Variants in KCNJ16 observed in about 807,000 individuals in gnomAD.
KCNJ16 encodes potassium inwardly rectifying channel subfamily J member 16.
In KCNJ16, 15 loss-of-function variants were observed where a neutral mutation model predicts 18.5. The observed-to-expected ratio is 0.81, with a 90% CI of 0.54 to 1.25. The LOEUF (loss-of-function observed/expected upper bound fraction) is 1.25, where lower values mean the gene tolerates loss of function less well. Among genes scored for constraint, KCNJ16 ranks in the 50% most tolerant of loss-of-function variants. The pLI, the probability that KCNJ16 is intolerant of heterozygous loss-of-function variation, is 0.00. For synonymous variants in KCNJ16, 174 were observed against 186.5 expected, an observed-to-expected ratio of 0.93 and a Z score of 0.55; for missense variants, 523 against 525.7, an observed-to-expected ratio of 0.99 and a Z score of 0.05.
chr17:70,104,746 A>C (rs1287239138), intron 2 of KCNJ16: 1 of 152,574 alleles, frequency 6.6e-6, no homozygotes, highest in Non-Finnish European at 1.5e-5. Flanking sequence ...GCATGGAAGA[A>C]GGCTATTCTT....
In KCNJ16 at chr17:70,129,509, A is replaced by G. The variant is rs569296697; in HGVS notation, c.-190-1370A>G. Among the ~76,000 whole-genome samples, 100 of 152,356 alleles carry G rather than the reference A, an allele frequency of 6.6e-4. 1 individual carries two copies. The highest frequency in any genetic ancestry group is 6.2e-3 in the South Asian group (30 of 4,830). On this transcript the variant is annotated intron_variant, in intron 2 of 3. Transcript: ENST00000392671. ...CAGATTGGATATGGTTTATTTGGTT[A>G]CAATTGATCATTTGGCCTAAAGACA...
chr17:70,117,640 G>A (rs781768270), intron 2 of KCNJ16, among the ~76,000 whole-genome samples: 36 of 152,096 alleles, frequency 2.4e-4, no homozygotes, highest in Non-Finnish European at 2.6e-4. Flanking sequence ...AGTCTTAGGA[G>A]TACTAACTCT....
rs192129351 is a variant in KCNJ16 at position 70,100,678 on chromosome 17, A to G, written c.-279A>G. The G allele has an allele frequency of 3.9e-5, 6 of 152,344 alleles. No individual in the cohort carries two copies. The highest frequency in any genetic ancestry group is 3.9e-4 in the Admixed American group (6 of 15,308). The allele number at this position is 152,344 out of a possible 1,614,324, so 9.4% of individuals were successfully genotyped here. On this transcript the variant is annotated 5_prime_UTR_variant, in exon 2 of 4. Transcript: ENST00000392671. ...TACAGAATGGGGGATTGAGGCACAG[A>G]GTGTTAAAATAGTGAGACACAGGAT...
intron 2 of KCNJ16, among the ~76,000 whole-genome samples, chr17:70,108,612 T>C (rs2073041322): frequency 6.6e-6 from 1 of 152,180 alleles, no homozygotes; most frequent in Admixed American, 6.6e-5. Context: ...ATCACTATAG[T>C]GACCTCTATT....
intron 1 of KCNJ16, among the ~76,000 whole-genome samples, chr17:70,078,914 A>C (rs965673950): frequency 2.6e-5 from 4 of 152,184 alleles, no homozygotes; most frequent in African/African-American, 9.6e-5. Flanking sequence ...TAGACACTGA[A>C]ATATCATTTT....
rs1044270803 is a variant in KCNJ16, at chr17:70,108,779, C to T, written c.-191+8013C>T. Among the ~76,000 whole-genome samples, 9 of 152,100 alleles carry T rather than the reference C, an allele frequency of 5.9e-5. No homozygotes were observed. In the South Asian group the frequency reaches 1.0e-3, roughly 18 times the overall value. On this transcript the variant is annotated intron_variant, in intron 2 of 3. Transcript: ENST00000392671. ...TTTTCTGGGAAAGATATATTTTTAA[C>T]CCCATTCACCTTCCTCCCTCCCTTT...
intron 1 of KCNJ16, among the ~76,000 whole-genome samples, chr17:70,095,761 A>C (rs772490557): frequency 2.0e-5 from 3 of 151,694 alleles, no homozygotes; most frequent in Admixed American, 6.6e-5. Flanking sequence ...GGGCCACTGG[A>C]TATCAAATGT....
intron 2 of KCNJ16, among the ~76,000 whole-genome samples, chr17:70,116,433 A>C (rs919261556): frequency 1.3e-5 from 2 of 152,198 alleles, no homozygotes; most frequent in Non-Finnish European, 2.9e-5. Context: ...TCTTTAGAAA[A>C]AAATTGCTGA....
chr17:70,081,611 G>A (rs1470606474), intron 1 of KCNJ16, among the ~76,000 whole-genome samples: 2 of 152,188 alleles, frequency 1.3e-5, no homozygotes, highest in South Asian at 4.1e-4. Context: ...GCACTATTGT[G>A]TCAGCTCATC....
chr17:70,090,695 G>A (rs1033418593), intron 1 of KCNJ16, among the ~76,000 whole-genome samples: 49 of 151,172 alleles, frequency 3.2e-4, no homozygotes, highest in Admixed American at 1.6e-3. Flanking sequence ...CTCACAATAC[G>A]GCTAACCCAC....
intron 1 of KCNJ16, among the ~76,000 whole-genome samples, chr17:70,085,501 T>C (rs1261211574): frequency 3.3e-5 from 5 of 152,148 alleles, no homozygotes; most frequent in Non-Finnish European, 7.4e-5. Flanking sequence ...GAGCCTCAAT[T>C]CCCCATAAAT....
chr17:70,104,038 G>C (rs1205120788), intron 2 of KCNJ16, among the ~76,000 whole-genome samples: 1 of 149,634 alleles, frequency 6.7e-6, no homozygotes, highest in African/African-American at 2.5e-5. Context: ...CTGGGTTCAA[G>C]TGATCCTCCC....
chr17:70,103,286 ATGTG>A (rs1555589099), intron 2 of KCNJ16, among the ~76,000 whole-genome samples: 1 of 103,814 alleles, frequency 9.6e-6, no homozygotes, highest in Non-Finnish European at 1.9e-5. Context: ...ATATGCATAT[ATGTG>A]TGTGTGTATA....
intron 2 of KCNJ16, among the ~76,000 whole-genome samples, chr17:70,103,296 G>GTA (rs1173280296): frequency 0.042 from 3,046 of 72,008 alleles, 55 homozygotes; most frequent in African/African-American, 0.054. Flanking sequence ...ATGTGTGTGT[G>GTA]TATATATATA....
chr17:70,130,922 T>C lies in KCNJ16; in HGVS notation c.-147T>C. 7 of 1,527,256 alleles carry C rather than the reference T, an allele frequency of 4.6e-6. No individual in the cohort carries two copies. In the South Asian group the frequency reaches 7.2e-5, roughly 16 times the overall value. 94.6% of individuals were successfully genotyped at this position (1,527,256 alleles called of 1,614,324 possible). A position where few individuals can be genotyped will look rare whatever the true frequency, so the allele number is the denominator to read the frequency against. On this transcript the variant is annotated 5_prime_UTR_variant, in exon 3 of 4. Coordinates refer to ENST00000392671, the MANE Select transcript of KCNJ16 (RefSeq NM_170741.4). The stretch of plus-strand genomic sequence containing the variant: ...TTGATGTTGCAGTTTTAAATTTCAC[T>C]TTGACTTGAGCTGGGAAATCCTTTG...
At chr17:70,126,480 A>T (rs2073860602) in intron 2 of KCNJ16, among the ~76,000 whole-genome samples, 1 of 152,216 alleles carries the variant, frequency 6.6e-6, no homozygotes, top group African/African-American at 2.4e-5. Context: ...TGCCTGGCAC[A>T]TTAAAAGGTG....
chr17:70,131,524 A>ATGT (rs2074057666), intron 3 of KCNJ16: 1 of 968,480 alleles, frequency 1.0e-6, no homozygotes, highest in East Asian at 1.1e-4. Context: ...AAGTTACATT[A>ATGT]TGATATGAAA....
chr17:70,110,963 A>G (rs1323101485), intron 2 of KCNJ16, among the ~76,000 whole-genome samples: 1 of 152,156 alleles, frequency 6.6e-6, no homozygotes. Context: ...CAGTGTGTAT[A>G]TCAAGGGCTG....
chr17:70,093,779 C>T (rs1471576821), intron 1 of KCNJ16, among the ~76,000 whole-genome samples: 2 of 151,812 alleles, frequency 1.3e-5, no homozygotes, highest in African/African-American at 4.8e-5. Context: ...AAGATAATAC[C>T]ACATGGAAGC....
Sources: gnomAD v4.1 joint callset for allele counts (sites outside exome capture counted in the v4.1 genomes callset) on GRCh38, gnomAD v4.1.1 for gene constraint, MANE v1.5 for transcripts, NCBI Gene and HGNC (gene_info 2026-07-23, HGNC 2026-07-21) for gene names.